Variants in CFAP61 observed in about 807,000 individuals in gnomAD.
CFAP61 encodes cilia and flagella associated protein 61, also known as cilia- and flagella-associated protein 61.
In CFAP61, 107 loss-of-function variants were observed where a neutral mutation model predicts 135.6. The observed-to-expected ratio is 0.79, with a 90% CI of 0.67 to 0.93. CFAP61 has a LOEUF of 0.93. CFAP61 is among the 40% of genes least tolerant of loss of function. The pLI, the probability that CFAP61 is intolerant of heterozygous loss-of-function variation, is 0.00. For synonymous variants in CFAP61, 575 were observed against 578.5 expected (o/e 0.99, Z 0.09); for missense variants, 1,507 against 1,556.2 (o/e 0.97, Z 0.53).
At chr20:20,337,570 A>G (rs1349272899) in intron 25 of CFAP61, among the ~76,000 whole-genome samples, 20 of 2,198 alleles carry the variant, frequency 9.1e-3, no homozygotes, top group Non-Finnish European at 0.031. Flanking sequence ...GGATGGATGG[A>G]TGGATGGATA....
intron 6 of CFAP61, among the ~76,000 whole-genome samples, chr20:20,087,759 C>T (rs767219385): frequency 2.0e-4 from 30 of 152,094 alleles, no homozygotes; most frequent in South Asian, 1.0e-3. Context: ...GATGCACACA[C>T]GGTAACATAG....
chr20:20,300,607 GTT>G (rs760598213), intron 25 of CFAP61, among the ~76,000 whole-genome samples: 1 of 145,670 alleles, frequency 6.9e-6, no homozygotes, highest in African/African-American at 2.6e-5. Flanking sequence ...TGTTTTTTTT[GTT>G]TTTTTTTTTT....
intron 18 of CFAP61, 115 bp downstream of exon 18, chr20:20,228,491 C>A: frequency 1.2e-6 from 1 of 821,698 alleles, no homozygotes; most frequent in Non-Finnish European, 1.9e-6. Context: ...ACTCCACACA[C>A]CCTGCCTATG....
At chr20:20,175,525 T>C (rs1215462796) in intron 13 of CFAP61, among the ~76,000 whole-genome samples, 6 of 93,736 alleles carry the variant, frequency 6.4e-5, no homozygotes, top group African/African-American at 1.8e-4. Context: ...TTTTGTTTTG[T>C]TTTGTTTTGT....
intron 26 of CFAP61, among the ~76,000 whole-genome samples, chr20:20,355,590 T>A: frequency 9.3e-6 from 1 of 107,118 alleles, no homozygotes. Flanking sequence ...GGTCACACTG[T>A]GAGGGGGAAG....
At chr20:20,096,594 G>T (rs775250721) in intron 7 of CFAP61, among the ~76,000 whole-genome samples, 3 of 152,226 alleles carry the variant, frequency 2.0e-5, no homozygotes, top group Admixed American at 1.3e-4. Flanking sequence ...GTTTTGTTGC[G>T]CCAGCGCGGC....
At chr20:20,075,369 C>T in intron 5 of CFAP61, 113 bp downstream of exon 5, 2 of 1,423,138 alleles carry the variant, frequency 1.4e-6, no homozygotes, top group East Asian at 2.3e-5. Context: ...CTCAATGTAC[C>T]ATGTGCATAT....
At chr20:20,296,352 CTTCT>C in intron 24 of CFAP61, among the ~76,000 whole-genome samples, 1 of 116,060 alleles carries the variant, frequency 8.6e-6, no homozygotes, top group Admixed American at 9.2e-5. Context: ...TGCTTCCTTC[CTTCT>C]TTCCTTTCTT....
intron 21 of CFAP61, among the ~76,000 whole-genome samples, chr20:20,271,607 T>A (rs1258892884): frequency 6.6e-6 from 1 of 152,226 alleles, no homozygotes; most frequent in East Asian, 1.9e-4. Context: ...TTACGGGTGC[T>A]CTGCCTGGAC....
At chr20:20,357,636 AGG>A in intron 26 of CFAP61, among the ~76,000 whole-genome samples, 1 of 5,454 alleles carries the variant, frequency 1.8e-4, no homozygotes. Context: ...GGTCACACTG[AGG>A]GGAAGTGGTC....
intron 26 of CFAP61, among the ~76,000 whole-genome samples, chr20:20,353,633 T>C (rs1281032839): frequency 6.6e-6 from 1 of 152,238 alleles, no homozygotes; most frequent in Non-Finnish European, 1.5e-5. Context: ...TCTTATCAAT[T>C]AGCCTATGGT....
At chr20:20,336,285 T>C (rs1446039427) in intron 25 of CFAP61, among the ~76,000 whole-genome samples, 1 of 152,236 alleles carries the variant, frequency 6.6e-6, no homozygotes, top group Non-Finnish European at 1.5e-5. Flanking sequence ...ATTTCATAGG[T>C]ATCATTACTT....
Position 20,053,627 on chromosome 20 carries a change from C to G in CFAP61, c.-37+1036C>G, listed in dbSNP as rs191424243. ...ATCACGTCTACCAATGCAGATATTA[C>G]TTTCAACAAAAGATTTATGCAGATT... On this transcript the variant is annotated intron_variant, in intron 1 of 26. Coordinates refer to ENST00000245957, the MANE Select transcript of CFAP61 (RefSeq NM_015585.4). 5.9e-5 allele frequency among the ~76,000 whole-genome samples: 9 copies of G among 152,296 alleles called. No individual in the cohort carries two copies. The East Asian group carries it at 1.5e-3, about 26-fold the overall frequency.
At chr20:20,178,892 G>T (rs1048059857) in intron 13 of CFAP61, among the ~76,000 whole-genome samples, 4 of 151,666 alleles carry the variant, frequency 2.6e-5, no homozygotes, top group Admixed American at 2.6e-4. Flanking sequence ...ATTTATTTTT[G>T]ATTTAAACTG....
At chr20:20,167,762 G>A (rs934229369) in intron 12 of CFAP61, among the ~76,000 whole-genome samples, 1 of 152,192 alleles carries the variant, frequency 6.6e-6, no homozygotes, top group African/African-American at 2.4e-5. Flanking sequence ...AGGAAGGTAA[G>A]GTCAGACAAT....
intron 20 of CFAP61, chr20:20,253,320 G>A: frequency 5.8e-6 from 1 of 170,956 alleles, no homozygotes; most frequent in South Asian, 1.3e-4. Flanking sequence ...TGTGCCGTAA[G>A]TTTCCATTTC....
chr20:20,169,275 A>G, intron 12 of CFAP61, 46 bp from the exon 13 acceptor site: 1 of 1,549,378 alleles, frequency 6.5e-7, no homozygotes, highest in Non-Finnish European at 8.8e-7. Context: ...TTTTTTGATT[A>G]ATTTTTTTTA....
intron 26 of CFAP61, among the ~76,000 whole-genome samples, chr20:20,343,104 G>T (rs548173075): frequency 6.6e-6 from 1 of 152,134 alleles, no homozygotes. Context: ...TGATCCGCCC[G>T]CCTCGGCCTC....
At chr20:20,343,110 G>A (rs1410151094) in intron 26 of CFAP61, among the ~76,000 whole-genome samples, 3 of 152,176 alleles carry the variant, frequency 2.0e-5, no homozygotes, top group African/African-American at 7.2e-5. Flanking sequence ...GCCCGCCTCG[G>A]CCTCCCAAAA....
Sources: allele counts gnomAD v4.1 joint callset (sites outside exome capture counted in the v4.1 genomes callset), GRCh38; gene constraint gnomAD v4.1.1; transcripts MANE v1.5; gene names NCBI Gene and HGNC (gene_info 2026-07-23, HGNC 2026-07-21).